Variants in FHOD3 observed in about 807,000 individuals in gnomAD.
The protein encoded by FHOD3 is FH1/FH2 domain-containing protein 3.
FHOD3 carries 90 observed loss-of-function variants against 173.0 expected under a neutral mutation model. The observed-to-expected ratio is 0.52, with a 90% CI of 0.44 to 0.62. The LOEUF is 0.62. FHOD3 is among the 20% of genes least tolerant of loss of function. The pLI is 0.00. For synonymous variants in FHOD3, 828 were observed against 823.0 expected (o/e 1.01, Z -0.10); for missense variants, 1,945 against 2,034.7 (o/e 0.96, Z 0.85).
intron 1 of FHOD3, among the ~76,000 whole-genome samples, chr18:36,332,412 C>T (rs184889060): frequency 6.6e-6 from 1 of 152,332 alleles, no homozygotes; most frequent in Non-Finnish European, 1.5e-5. Context: ...ACATGATTCT[C>T]TCTCACAGGC....
rs564855340 is a variant in FHOD3, at chr18:36,558,020, G to A, written c.512-18431G>A. 2.0e-5 allele frequency among the ~76,000 whole-genome samples: 3 copies of A among 152,318 alleles called. No homozygotes were observed. The South Asian group carries it at 6.2e-4, about 32-fold the overall frequency. The stretch of plus-strand genomic sequence containing the variant: ...TGAGATTTTCTTGTCTGGCTGGTGG[G>A]AATAGCTGTGTATGAATGCTGGGTA... On this transcript the variant is annotated intron_variant, in intron 5 of 28. Transcript: ENST00000590592.
intron 9 of FHOD3, among the ~76,000 whole-genome samples, chr18:36,618,474 G>A (rs190037340): frequency 4.6e-5 from 7 of 151,816 alleles, no homozygotes; most frequent in Non-Finnish European, 7.4e-5. Flanking sequence ...CACCATGCCT[G>A]GCTAATTTTG....
intron 14 of FHOD3, among the ~76,000 whole-genome samples, chr18:36,662,609 C>G (rs1348717907): frequency 1.3e-5 from 2 of 152,134 alleles, no homozygotes; most frequent in Non-Finnish European, 2.9e-5. Context: ...CTTCCTACTT[C>G]CTGTAAGATT....
At chr18:36,548,230 C>T (rs2057495373) in intron 5 of FHOD3, among the ~76,000 whole-genome samples, 1 of 152,078 alleles carries the variant, frequency 6.6e-6, no homozygotes, top group Admixed American at 6.6e-5. Context: ...ACTCACTCAG[C>T]AAAAATCAGT....
At chr18:36,298,870 G>A (rs1568088235) in intron 1 of FHOD3, among the ~76,000 whole-genome samples, 1 of 151,822 alleles carries the variant, frequency 6.6e-6, no homozygotes, top group South Asian at 2.1e-4. Context: ...TAATCATTTC[G>A]TTACCTAGGA....
At chr18:36,430,329 G>A (rs780015820) in intron 3 of FHOD3, among the ~76,000 whole-genome samples, 14 of 152,224 alleles carry the variant, frequency 9.2e-5, no homozygotes, top group African/African-American at 2.2e-4. Context: ...CGATTCTCCC[G>A]CCTCAGCCTC....
chr18:36,537,471 G>A (rs1353865294), intron 5 of FHOD3, among the ~76,000 whole-genome samples: 13 of 152,096 alleles, frequency 8.5e-5, no homozygotes. Context: ...TGGGGAACCT[G>A]GACTTCTACT....
In FHOD3 at chr18:36,760,691, G is replaced by A. The variant is rs1298924105; in HGVS notation, c.4533G>A (p.Glu1511=). The A allele has an allele frequency of 1.2e-6, 2 of 1,613,228 alleles. No individual in the cohort carries two copies. Among genetic ancestry groups the A allele is most frequent in the African/African-American group, 2.7e-5 (2 of 74,944 alleles). ...ATGCGGAGGACGCGGCTGAGCACGAGAACATGAAGGCTGTGCTGAAAACCT... is the reference window on the plus strand; with the variant it reads ...ATGCGGAGGACGCGGCTGAGCACGAAAACATGAAGGCTGTGCTGAAAACCT... ...LSYAEDAAEH[E]NMKAVLKTSS... The change falls in exon 27 of 29, where the codon GAG becomes GAA. Residue 1511 remains glutamate, a synonymous_variant. Coordinates refer to ENST00000590592, the MANE Select transcript of FHOD3 (RefSeq NM_001281740.3).
intron 5 of FHOD3, among the ~76,000 whole-genome samples, chr18:36,570,597 A>G (rs937137970): frequency 2.0e-5 from 3 of 152,136 alleles, no homozygotes. Flanking sequence ...ACACTGAACA[A>G]TATTTATTAT....
At chr18:36,381,396 C>T (rs775672443) in intron 3 of FHOD3, among the ~76,000 whole-genome samples, 2 of 152,246 alleles carry the variant, frequency 1.3e-5, no homozygotes, top group Non-Finnish European at 2.9e-5. Context: ...CATGCTTCCA[C>T]TCTGATCACT....
intron 3 of FHOD3, among the ~76,000 whole-genome samples, chr18:36,380,481 C>G (rs375605067): frequency 6.7e-6 from 1 of 148,272 alleles, no homozygotes; most frequent in East Asian, 2.0e-4. Context: ...TCATTCCCCT[C>G]CCTCCCTTCC....
chr18:36,470,504 G>C (rs1224705652), intron 3 of FHOD3, among the ~76,000 whole-genome samples: 6 of 152,204 alleles, frequency 3.9e-5, no homozygotes, highest in African/African-American at 1.4e-4. Context: ...GGATACACCA[G>C]AGTTCTCCCT....
At chr18:36,344,735 T>C (rs1225106950) in intron 1 of FHOD3, among the ~76,000 whole-genome samples, 1 of 152,184 alleles carries the variant, frequency 6.6e-6, no homozygotes, top group African/African-American at 2.4e-5. Context: ...GTCTTTGATA[T>C]ATTTTTATTA....
chr18:36,416,761 C>A (rs1345583425), intron 3 of FHOD3, among the ~76,000 whole-genome samples: 1 of 152,090 alleles, frequency 6.6e-6, no homozygotes, highest in Non-Finnish European at 1.5e-5. Context: ...AAATGCAGAT[C>A]TGATTGGGAT....
intron 3 of FHOD3, among the ~76,000 whole-genome samples, chr18:36,486,076 T>A (rs1281611841): frequency 6.6e-6 from 1 of 152,180 alleles, no homozygotes; most frequent in Non-Finnish European, 1.5e-5. Flanking sequence ...CCACCACATT[T>A]TTTGCTCATC....
intron 3 of FHOD3, among the ~76,000 whole-genome samples, chr18:36,410,177 G>A (rs56821162): frequency 0.23 from 34,328 of 151,738 alleles, 4,416 homozygotes; most frequent in East Asian, 0.67. Context: ...CCCCCCTGCC[G>A]TCTCCAATCC....
intron 3 of FHOD3, among the ~76,000 whole-genome samples, chr18:36,422,087 C>G (rs575187497): frequency 2.0e-5 from 3 of 152,290 alleles, no homozygotes; most frequent in African/African-American, 7.2e-5. Flanking sequence ...AGTAAAATAT[C>G]TCATGTTGTT....
chr18:36,486,271 G>T lies in FHOD3; in HGVS notation c.338-15661G>T, dbSNP rs532422587. Among the ~76,000 whole-genome samples, 247 of 152,266 alleles carry T rather than the reference G, an allele frequency of 1.6e-3. 1 individual carries two copies. Among genetic ancestry groups the T allele is most frequent in the African/African-American group, 5.9e-3 (245 of 41,548 alleles). On this transcript the variant is annotated intron_variant, in intron 3 of 28. Coordinates refer to ENST00000590592, the MANE Select transcript of FHOD3 (RefSeq NM_001281740.3). ...ATATGGGGGCTACACTTGGTGTTCA[G>T]TTTCTGTGTCACCAGCTCACATTAT...
At chr18:36,546,834 T>A (rs1357927589) in intron 5 of FHOD3, among the ~76,000 whole-genome samples, 1 of 152,204 alleles carries the variant, frequency 6.6e-6, no homozygotes, top group African/African-American at 2.4e-5. Flanking sequence ...CACAGAGCAC[T>A]CACTTCACGC....
Sources: gnomAD v4.1 joint callset for allele counts (sites outside exome capture counted in the v4.1 genomes callset) on GRCh38, gnomAD v4.1.1 for gene constraint, MANE v1.5 for transcripts, NCBI Gene and HGNC (gene_info 2026-07-23, HGNC 2026-07-21) for gene names.